Variants in AQP9 observed in about 807,000 individuals in gnomAD.
AQP9 encodes the protein aquaporin 9.
In AQP9, 19 loss-of-function variants were observed where a neutral mutation model predicts 23.8. The observed-to-expected ratio is 0.80, with a 90% CI of 0.56 to 1.17. The LOEUF (loss-of-function observed/expected upper bound fraction) is 1.17, where lower values mean the gene tolerates loss of function less well. Ranked by LOEUF, AQP9 falls within the 50% of genes most tolerant of loss-of-function variation. AQP9 has a pLI of 0.00. For synonymous variants in AQP9, 153 were observed against 131.5 expected, an observed-to-expected ratio of 1.16 and a Z score of -1.12; for missense variants, 413 against 362.0, an observed-to-expected ratio of 1.14 and a Z score of -1.14.
chr15:58,184,188 T>C lies in AQP9; in HGVS notation c.*53T>C. On this transcript the variant is annotated 3_prime_UTR_variant, in exon 6 of 6. Transcript: ENST00000219919. ...CAGTTTGGGATTCTCTTCAGAAAGA[T>C]GGCATCTAAGTGTCTGTGTTCTTGT... The C allele has an allele frequency of 5.7e-6, 9 of 1,575,944 alleles. No individual in the cohort carries two copies. Among genetic ancestry groups the C allele is most frequent in the Non-Finnish European group, 7.8e-6 (9 of 1,153,032 alleles).
chr15:58,147,662 TAG>T (rs1247486106), intron 1 of AQP9, among the ~76,000 whole-genome samples: 5 of 152,138 alleles, frequency 3.3e-5, no homozygotes, highest in Non-Finnish European at 7.4e-5. Context: ...GCACATGCCT[TAG>T]AGTCTTTCTG....
intron 5 of AQP9, among the ~76,000 whole-genome samples, chr15:58,179,605 C>A (rs184328427): frequency 6.6e-6 from 1 of 151,988 alleles, no homozygotes; most frequent in Non-Finnish European, 1.5e-5. Context: ...AACTGTCCCA[C>A]ATAATAATAA....
chr15:58,165,462 A>T (rs1209528151), intron 1 of AQP9, among the ~76,000 whole-genome samples: 2 of 152,174 alleles, frequency 1.3e-5, no homozygotes, highest in Non-Finnish European at 2.9e-5. Context: ...GTGCTCCCCC[A>T]ACCCATTAGG....
Position 58,179,285 on chromosome 15 carries a change from C to A in AQP9, c.653C>A (p.Ala218Asp). Residue 218 changes from alanine (A) to aspartate (D), a missense_variant, in exon 5 of 6, where the codon GCT (alanine) becomes GAT (aspartate). Ala to Asp is a moderately radical substitution (Grantham distance 126, BLOSUM62 -2). Transcript: ENST00000219919. ...AACAGTGGCTGTGCCATGAACCCAG[C>A]TCGAGACCTGAGTCCCAGACTTTTC... The part of the protein sequence containing the change: ...GLNSGCAMNP[A>D]RDLSPRLFTA... 6.2e-7 allele frequency: 1 copy of A among 1,614,164 alleles called. No individual in the cohort carries two copies. Among genetic ancestry groups the A allele is most frequent in the East Asian group, 2.2e-5 (1 of 44,874 alleles).
chr15:58,175,086 C>T (rs1345199527), intron 4 of AQP9, 50 bp downstream of exon 4: 2 of 1,462,898 alleles, frequency 1.4e-6, no homozygotes. Context: ...GATATGCTCT[C>T]ATAAGGGGAA....
chr15:58,169,736 AT>A (rs1898580422), intron 2 of AQP9, among the ~76,000 whole-genome samples: 2 of 152,230 alleles, frequency 1.3e-5, no homozygotes, highest in Admixed American at 1.3e-4. Context: ...TCCCCTGGGA[AT>A]GTTCCAGTCA....
rs79160048 is a variant in AQP9 at position 58,184,190 on chromosome 15, G to T, written c.*55G>T. ...GTTTGGGATTCTCTTCAGAAAGATG[G>T]CATCTAAGTGTCTGTGTTCTTGTAA... On this transcript the variant is annotated 3_prime_UTR_variant, in exon 6 of 6. Coordinates refer to ENST00000219919, the MANE Select transcript of AQP9 (RefSeq NM_020980.5). 44 of 1,560,796 alleles carry T rather than the reference G, an allele frequency of 2.8e-5. No homozygotes were observed. In the East Asian group the frequency reaches 6.1e-4, roughly 22 times the overall value.
At chr15:58,159,257 T>C (rs1455061669) in intron 1 of AQP9, among the ~76,000 whole-genome samples, 1 of 152,114 alleles carries the variant, frequency 6.6e-6, no homozygotes, top group African/African-American at 2.4e-5. Context: ...CTTTTCACAT[T>C]TCATATCCTA....
intron 5 of AQP9, among the ~76,000 whole-genome samples, chr15:58,181,245 T>C (rs1410731098): frequency 3.9e-5 from 6 of 152,306 alleles, no homozygotes; most frequent in South Asian, 4.1e-4. Flanking sequence ...TTCCATGGAG[T>C]CATTTATTCA....
chr15:58,158,306 C>G (rs112070304), intron 1 of AQP9, among the ~76,000 whole-genome samples: 1 of 152,082 alleles, frequency 6.6e-6, no homozygotes, highest in Non-Finnish European at 1.5e-5. Flanking sequence ...CAGTGTGTGA[C>G]GGCTAAAAGT....
At chr15:58,168,285 C>A (rs371220621) in intron 2 of AQP9, among the ~76,000 whole-genome samples, 31 of 152,126 alleles carry the variant, frequency 2.0e-4, no homozygotes, top group Non-Finnish European at 4.6e-4. Context: ...CTTGCCTCAG[C>A]CTCCCAAAGT....
chr15:58,163,432 T>C (rs530524367), intron 1 of AQP9, among the ~76,000 whole-genome samples: 12 of 73,428 alleles, frequency 1.6e-4, no homozygotes, highest in Non-Finnish European at 3.0e-4. Context: ...CAGACCATGA[T>C]ACATTAAACA....
chr15:58,180,494 G>A (rs540259607), intron 5 of AQP9, among the ~76,000 whole-genome samples: 44 of 152,284 alleles, frequency 2.9e-4, no homozygotes, highest in African/African-American at 8.7e-4. Flanking sequence ...ACAGTGCCTA[G>A]AACAGGGTGT....
rs375430625 is a variant in AQP9, at chr15:58,179,206, G to C, written c.574G>C (p.Glu192Gln). 1 of 1,613,890 alleles carries C rather than the reference G, an allele frequency of 6.2e-7. No homozygotes were observed. Among genetic ancestry groups the C allele is most frequent in the African/African-American group, 1.3e-5 (1 of 74,926 alleles). The change falls in exon 5 of 6, where the codon GAG becomes CAG. Residue 192 changes from glutamate to glutamine, a missense_variant. Transcript: ENST00000219919. ...AAACTTGGGAGCCCCCAGAGGCCTAGAGCCCATTGCCATCGGCCTCCTGAT... is the reference window on the plus strand; with the variant it reads ...AAACTTGGGAGCCCCCAGAGGCCTACAGCCCATTGCCATCGGCCTCCTGAT... ...SRNLGAPRGL[E>Q]PIAIGLLIIV...
chr15:58,160,549 G>A (rs59406548), intron 1 of AQP9, among the ~76,000 whole-genome samples: 5,399 of 152,048 alleles, frequency 0.036, 324 homozygotes, highest in African/African-American at 0.12. Context: ...ATTTAAGCAT[G>A]GAATATAAAG....
chr15:58,143,762 A>C lies in AQP9; in HGVS notation c.111+5086A>C, dbSNP rs187472908. 2.3e-3 allele frequency among the ~76,000 whole-genome samples: 350 copies of C among 152,282 alleles called. 3 individuals are homozygous for C. The highest frequency in any genetic ancestry group is 8.3e-3 in the African/African-American group (343 of 41,558). On this transcript the variant is annotated intron_variant, in intron 1 of 5. Transcript: ENST00000219919. ...TGGTTTATGTACCCATCGCCCTCTC[A>C]CTATTGATTACAATCACCAAGACTG...
intron 1 of AQP9, chr15:58,150,547 T>C (rs951858790): frequency 1.1e-4 from 17 of 152,628 alleles, no homozygotes; most frequent in South Asian, 2.1e-4. Flanking sequence ...TATATGTCTC[T>C]ATCTACTGAT....
intron 1 of AQP9, among the ~76,000 whole-genome samples, chr15:58,145,464 G>T (rs1488947135): frequency 6.7e-6 from 1 of 149,380 alleles, no homozygotes; most frequent in Non-Finnish European, 1.5e-5. Context: ...TCCAGCCTGG[G>T]CAACAAAATG....
intron 1 of AQP9, chr15:58,154,145 A>T (rs1250896932): frequency 2.0e-5 from 3 of 152,128 alleles, no homozygotes; most frequent in Non-Finnish European, 4.4e-5. Context: ...CAGACTTTTA[A>T]ATTCTCCAAT....
Sources: gnomAD v4.1 joint callset for allele counts (sites outside exome capture counted in the v4.1 genomes callset) on GRCh38, gnomAD v4.1.1 for gene constraint, MANE v1.5 for transcripts, NCBI Gene and HGNC (gene_info 2026-07-23, HGNC 2026-07-21) for gene names.